Variants in CFAP299 observed in about 807,000 individuals in gnomAD.
The protein encoded by CFAP299 is cilia- and flagella-associated protein 299.
In CFAP299, 21 loss-of-function variants were observed where a neutral mutation model predicts 27.0. The ratio of observed to expected loss-of-function variants is 0.78; its 90% CI spans 0.55 to 1.12. The LOEUF (loss-of-function observed/expected upper bound fraction) is 1.12. Among genes scored for constraint, CFAP299 ranks in the 50% most tolerant of loss-of-function variants. The probability of loss-of-function intolerance (pLI) is 0.00; values close to 1 mark genes in which losing one functional copy is unlikely to be tolerated. For synonymous variants in CFAP299, 104 were observed against 98.1 expected (o/e 1.06, Z -0.36); for missense variants, 310 against 276.6 (o/e 1.12, Z -0.86).
chr4:80,827,651 ATGC>A (rs1265588797), intron 3 of CFAP299, among the ~76,000 whole-genome samples: 7 of 152,114 alleles, frequency 4.6e-5, no homozygotes, highest in Admixed American at 1.3e-4. Flanking sequence ...TAAATTATAG[ATGC>A]TGACATTCAC....
At chr4:80,784,496 CTTTT>C (rs923445239) in intron 3 of CFAP299, among the ~76,000 whole-genome samples, 1 of 151,370 alleles carries the variant, frequency 6.6e-6, no homozygotes, top group Non-Finnish European at 1.5e-5. Context: ...TTCTTTCTTT[CTTTT>C]CTTTCTTTTT....
intron 4 of CFAP299, among the ~76,000 whole-genome samples, chr4:80,904,016 AT>A (rs563738060): frequency 5.3e-5 from 8 of 152,292 alleles, no homozygotes; most frequent in Non-Finnish European, 1.0e-4. Context: ...TTTTGAAATA[AT>A]TCTTTTAATG....
At chr4:80,356,760 A>G (rs903772203) in intron 1 of CFAP299, among the ~76,000 whole-genome samples, 1 of 152,138 alleles carries the variant, frequency 6.6e-6, no homozygotes, top group Admixed American at 6.5e-5. Flanking sequence ...TTTTCTAGAT[A>G]TAAGATCATA....
chr4:80,854,873 T>G (rs79988009), intron 3 of CFAP299, among the ~76,000 whole-genome samples: 4,283 of 143,360 alleles, frequency 0.03, 240 homozygotes, highest in African/African-American at 0.1. Context: ...GGTATCAGAA[T>G]TTTCTAAACT....
chr4:80,446,614 A>T (rs1201702943), intron 2 of CFAP299, among the ~76,000 whole-genome samples: 1 of 152,114 alleles, frequency 6.6e-6, no homozygotes, highest in African/African-American at 2.4e-5. Context: ...TGAGTTCTAG[A>T]TCCAGAAATA....
intron 3 of CFAP299, among the ~76,000 whole-genome samples, chr4:80,729,321 A>C (rs1052897370): frequency 6.6e-6 from 1 of 152,202 alleles, no homozygotes; most frequent in African/African-American, 2.4e-5. Flanking sequence ...GCAGCCTCTA[A>C]GATGGCTCTC....
intron 1 of CFAP299, among the ~76,000 whole-genome samples, chr4:80,353,644 A>G (rs1723116431): frequency 6.6e-6 from 1 of 152,206 alleles, no homozygotes; most frequent in Non-Finnish European, 1.5e-5. Context: ...ATACAAGTGA[A>G]GCTTGAAATC....
At chr4:80,687,231 T>G (rs1042090678) in intron 3 of CFAP299, among the ~76,000 whole-genome samples, 1 of 152,210 alleles carries the variant, frequency 6.6e-6, no homozygotes, top group Non-Finnish European at 1.5e-5. Context: ...CTCTTCTTTC[T>G]GTTTATTAAA....
At chr4:80,740,031 T>A (rs1447687702) in intron 3 of CFAP299, among the ~76,000 whole-genome samples, 1 of 152,210 alleles carries the variant, frequency 6.6e-6, no homozygotes. Flanking sequence ...TTTGTTACAT[T>A]TATCTAATAG....
intron 2 of CFAP299, among the ~76,000 whole-genome samples, chr4:80,574,567 C>G (rs1331863092): frequency 6.6e-6 from 1 of 151,964 alleles, no homozygotes; most frequent in Non-Finnish European, 1.5e-5. Context: ...TCAATTTTTC[C>G]CCATTAAGTA....
At chr4:80,465,162 T>C (rs184409264) in intron 2 of CFAP299, among the ~76,000 whole-genome samples, 13 of 152,276 alleles carry the variant, frequency 8.5e-5, no homozygotes, top group Admixed American at 1.3e-4. Flanking sequence ...ATTGTATGTA[T>C]TCAACCTGCT....
At chr4:80,327,051 A>G in the CFAP299 span, among the ~76,000 whole-genome samples, 2 of 152,184 alleles carry the variant, frequency 1.3e-5, no homozygotes, top group African/African-American at 4.8e-5. Flanking sequence ...TCTTTACTAC[A>G]TAGAGTCTGC....
At chr4:80,723,630 CTT>C (rs1208806630) in intron 3 of CFAP299, among the ~76,000 whole-genome samples, 1 of 151,940 alleles carries the variant, frequency 6.6e-6, no homozygotes, top group Non-Finnish European at 1.5e-5. Flanking sequence ...CAAGATAACT[CTT>C]AGGGTAATTG....
At chr4:80,464,306 T>C (rs1042893219) in intron 2 of CFAP299, among the ~76,000 whole-genome samples, 1 of 152,212 alleles carries the variant, frequency 6.6e-6, no homozygotes, top group East Asian at 1.9e-4. Flanking sequence ...CACATTAAAC[T>C]AGATGCTATA....
chr4:80,468,438 G>A (rs1187708536), intron 2 of CFAP299, among the ~76,000 whole-genome samples: 4 of 151,744 alleles, frequency 2.6e-5, no homozygotes, highest in East Asian at 2.0e-4. Context: ...TGCCCAGGCT[G>A]GTCTCAACTC....
At chr4:80,669,877 A>C (rs1741374308) in intron 3 of CFAP299, among the ~76,000 whole-genome samples, 2 of 151,938 alleles carry the variant, frequency 1.3e-5, no homozygotes, top group Admixed American at 6.6e-5. Context: ...CAACTCATTA[A>C]GGGTTTTTTA....
At chr4:80,667,178 T>C in intron 3 of CFAP299, among the ~76,000 whole-genome samples, 1 of 152,218 alleles carries the variant, frequency 6.6e-6, no homozygotes, top group Admixed American at 6.5e-5. Context: ...ATTATTTGTT[T>C]TTTTATGTTC....
intron 3 of CFAP299, among the ~76,000 whole-genome samples, chr4:80,852,069 A>G (rs577687288): frequency 2.6e-5 from 4 of 152,294 alleles, no homozygotes; most frequent in African/African-American, 9.6e-5. Context: ...ACCTACCTAT[A>G]TAACTATTTA....
chr4:80,367,160 C>A (rs1195883549), intron 2 of CFAP299, among the ~76,000 whole-genome samples: 5 of 152,090 alleles, frequency 3.3e-5, no homozygotes, highest in African/African-American at 1.2e-4. Flanking sequence ...ATACTAAAAT[C>A]TATTGACTTG....
Sources: gnomAD v4.1 joint callset for allele counts (sites outside exome capture counted in the v4.1 genomes callset) on GRCh38, gnomAD v4.1.1 for gene constraint, MANE v1.5 for transcripts, NCBI Gene and HGNC (gene_info 2026-07-23, HGNC 2026-07-21) for gene names.